Variants in SLC14A2 observed in about 807,000 individuals in gnomAD.
The protein encoded by SLC14A2 is urea transporter 2.
Under a neutral mutation model 104.6 loss-of-function variants are expected in SLC14A2, and 91 were observed. That is an observed-to-expected ratio of 0.87 (90% CI 0.73 to 1.04). The LOEUF (loss-of-function observed/expected upper bound fraction) is 1.04. Ranked by LOEUF, SLC14A2 falls within the 50% of genes least tolerant of loss-of-function variation. The pLI is 0.00. For synonymous variants in SLC14A2, 476 were observed against 466.4 expected (o/e 1.02, Z -0.27); for missense variants, 1,189 against 1,156.0 (o/e 1.03, Z -0.41).
At chr18:45,595,235 C>T (rs1288596673) in intron 2 of SLC14A2, among the ~76,000 whole-genome samples, 1 of 152,110 alleles carries the variant, frequency 6.6e-6, no homozygotes, top group East Asian at 1.9e-4. Flanking sequence ...ACGCAAAAAG[C>T]AGGGTCTCAG....
chr18:45,411,194 G>T (rs751660746), intron 1 of SLC14A2, among the ~76,000 whole-genome samples: 2 of 152,160 alleles, frequency 1.3e-5, no homozygotes, highest in Non-Finnish European at 2.9e-5. Context: ...AACTGACTCT[G>T]TGTGCTATGT....
chr18:45,555,236 A>AG (rs2044114908), intron 2 of SLC14A2, among the ~76,000 whole-genome samples: 1 of 152,208 alleles, frequency 6.6e-6, no homozygotes, highest in Non-Finnish European at 1.5e-5. Context: ...CACAATTCCA[A>AG]GGGGAGGGGA....
At chr18:45,293,459 CAATGAGAGAGACTAAAGGCA>C in intron 1 of SLC14A2, among the ~76,000 whole-genome samples, 2 of 151,838 alleles carry the variant, frequency 1.3e-5, no homozygotes, top group Middle Eastern at 6.8e-3. Flanking sequence ...GAACCAGAGA[CAATGAGAGAGACTAAAGGCA>C]AATGCCTATT....
chr18:45,240,901 G>A (rs1334140453), intron 1 of SLC14A2, among the ~76,000 whole-genome samples: 2 of 151,970 alleles, frequency 1.3e-5, no homozygotes, highest in African/African-American at 4.8e-5. Flanking sequence ...CTGGTGATTC[G>A]CCTGCCTCAG....
the SLC14A2 span, among the ~76,000 whole-genome samples, chr18:45,193,925 C>T: frequency 6.6e-6 from 1 of 152,112 alleles, no homozygotes; most frequent in African/African-American, 2.4e-5. Context: ...ATAAATCTTG[C>T]CCATATTTTC....
chr18:45,464,048 G>A (rs576926087), intron 1 of SLC14A2, among the ~76,000 whole-genome samples: 25 of 152,290 alleles, frequency 1.6e-4, no homozygotes, highest in South Asian at 4.2e-4. Flanking sequence ...GAACGCTAAC[G>A]CCTAACAACC....
chr18:45,180,486 TA>T, the SLC14A2 span, among the ~76,000 whole-genome samples: 34 of 152,192 alleles, frequency 2.2e-4, no homozygotes, highest in Non-Finnish European at 4.6e-4. Flanking sequence ...AACATAGAAT[TA>T]AAACTGAATA....
intron 1 of SLC14A2, among the ~76,000 whole-genome samples, chr18:45,264,122 A>G (rs1046499601): frequency 6.6e-6 from 1 of 152,248 alleles, no homozygotes; most frequent in Non-Finnish European, 1.5e-5. Flanking sequence ...CAAATGTGTC[A>G]GATCCATCTA....
chr18:45,438,367 T>G (rs998176560), intron 1 of SLC14A2: 1 of 152,122 alleles, frequency 6.6e-6, no homozygotes, highest in African/African-American at 2.4e-5. Flanking sequence ...AAAGAAATAT[T>G]TTTTATTCCA....
At chr18:45,467,380 T>C (rs1410912793) in intron 1 of SLC14A2, among the ~76,000 whole-genome samples, 1 of 152,204 alleles carries the variant, frequency 6.6e-6, no homozygotes, top group African/African-American at 2.4e-5. Context: ...TTGGCTGTTG[T>C]TGAGGTTTGG....
chr18:45,249,102 A>G (rs2084395580), intron 1 of SLC14A2, among the ~76,000 whole-genome samples: 2 of 152,180 alleles, frequency 1.3e-5, no homozygotes, highest in Admixed American at 6.5e-5. Flanking sequence ...CTACATATAC[A>G]CATGTGTCTG....
intron 1 of SLC14A2, among the ~76,000 whole-genome samples, chr18:45,414,408 G>A (rs188570476): frequency 3.9e-5 from 6 of 152,120 alleles, no homozygotes; most frequent in African/African-American, 1.4e-4. Flanking sequence ...GAACTGTTTG[G>A]GAACAGGGGA....
At chr18:45,454,397 A>T (rs201144408) in intron 1 of SLC14A2, among the ~76,000 whole-genome samples, 2 of 152,146 alleles carry the variant, frequency 1.3e-5, no homozygotes, top group Non-Finnish European at 1.5e-5. Flanking sequence ...TAGATTCTGG[A>T]TATTAGCCCT....
chr18:45,593,615 A>G (rs1013608426), intron 2 of SLC14A2, among the ~76,000 whole-genome samples: 7 of 142,054 alleles, frequency 4.9e-5, no homozygotes, highest in African/African-American at 7.9e-5. Flanking sequence ...TCAGCCTCCC[A>G]AGTTGCTGGG....
At chr18:45,372,379 C>T (rs754245039) in intron 1 of SLC14A2, among the ~76,000 whole-genome samples, 12 of 151,906 alleles carry the variant, frequency 7.9e-5, no homozygotes, top group South Asian at 2.1e-4. Flanking sequence ...ATCATAGGGT[C>T]GTAGAATACT....
At chr18:45,480,835 G>A (rs572281581) in intron 1 of SLC14A2, among the ~76,000 whole-genome samples, 1 of 152,256 alleles carries the variant, frequency 6.6e-6, no homozygotes, top group Admixed American at 6.5e-5. Context: ...TAAATTATGT[G>A]CTCTCTCTAA....
intron 2 of SLC14A2, among the ~76,000 whole-genome samples, chr18:45,550,656 G>A (rs1053581164): frequency 6.6e-6 from 1 of 152,210 alleles, no homozygotes; most frequent in Non-Finnish European, 1.5e-5. Flanking sequence ...CAGAGAGTGT[G>A]CACTATACTG....
chr18:45,529,916 A>T (rs2043655906), intron 2 of SLC14A2: 1 of 152,174 alleles, frequency 6.6e-6, no homozygotes, highest in Non-Finnish European at 1.5e-5. Context: ...ACGTATTCTC[A>T]GGCTTCCAAG....
chr18:45,616,145 T>C (rs972799519), intron 1 of SLC14A2, among the ~76,000 whole-genome samples: 5 of 152,138 alleles, frequency 3.3e-5, no homozygotes, highest in Admixed American at 1.3e-4. Flanking sequence ...CCGAGGGAGA[T>C]TGAGAACAGT....
Sources: allele counts gnomAD v4.1 joint callset (sites outside exome capture counted in the v4.1 genomes callset), GRCh38; gene constraint gnomAD v4.1.1; transcripts MANE v1.5; gene names NCBI Gene and HGNC (gene_info 2026-07-23, HGNC 2026-07-21).